Variants in SGCZ observed in about 807,000 individuals in gnomAD.
The protein encoded by SGCZ is sarcoglycan zeta.
Under a neutral mutation model 41.3 loss-of-function variants are expected in SGCZ, and 40 were observed. The observed-to-expected ratio is 0.97, with a 90% CI of 0.75 to 1.26. The LOEUF is 1.26. SGCZ is among the 50% of genes most tolerant of loss of function. SGCZ has a pLI of 0.00. For missense variants in SGCZ, 552 were observed against 369.8 expected (o/e 1.49, Z -4.04); for synonymous variants, 206 against 137.5 (o/e 1.50, Z -3.49).
At chr8:15,211,477 A>C (rs1053468199) in intron 1 of SGCZ, among the ~76,000 whole-genome samples, 11 of 151,992 alleles carry the variant, frequency 7.2e-5, no homozygotes, top group Non-Finnish European at 1.6e-4. Flanking sequence ...TACCCAACCA[A>C]CCATCCCTTC....
At chr8:14,200,532 C>G (rs917562750) in intron 4 of SGCZ, among the ~76,000 whole-genome samples, 10 of 152,000 alleles carry the variant, frequency 6.6e-5, no homozygotes, top group South Asian at 4.1e-4. Context: ...GGTAGAGAGC[C>G]CAGTATGAGA....
chr8:14,973,027 A>G (rs1454128574), intron 1 of SGCZ, among the ~76,000 whole-genome samples: 3 of 152,176 alleles, frequency 2.0e-5, no homozygotes, highest in Non-Finnish European at 4.4e-5. Context: ...CACAAACATT[A>G]TGAGTCCTAA....
intron 4 of SGCZ, among the ~76,000 whole-genome samples, chr8:14,193,962 A>T (rs1054528545): frequency 2.0e-5 from 3 of 151,842 alleles, no homozygotes; most frequent in Non-Finnish European, 4.4e-5. Flanking sequence ...AACTGGAGGG[A>T]TAGCTACATA....
rs185465990 is a variant in SGCZ, at chr8:14,885,805, T to C, written c.40-330879A>G. Among the ~76,000 whole-genome samples the C allele has an allele frequency of 4.4e-3, 673 of 151,686 alleles. 7 individuals carry two copies. The highest frequency in any genetic ancestry group is 0.016 in the African/African-American group (641 of 41,342). On this transcript the variant is annotated intron_variant, in intron 1 of 7. Coordinates refer to ENST00000382080, the MANE Select transcript of SGCZ (RefSeq NM_139167.4). ...CAGAATCTTTGAGGGGTTTTGTTGTTGATGATGTTATATTTTTCTGATTAT... is the reference window on the plus strand; with the variant it reads ...CAGAATCTTTGAGGGGTTTTGTTGTCGATGATGTTATATTTTTCTGATTAT...
chr8:14,749,241 T>C (rs1294557729), intron 1 of SGCZ, among the ~76,000 whole-genome samples: 1 of 152,226 alleles, frequency 6.6e-6, no homozygotes, highest in African/African-American at 2.4e-5. Flanking sequence ...GGACTGGTGA[T>C]GTTTGGACCA....
At chr8:14,398,083 T>C (rs147927458) in intron 2 of SGCZ, among the ~76,000 whole-genome samples, 1 of 152,080 alleles carries the variant, frequency 6.6e-6, no homozygotes, top group Non-Finnish European at 1.5e-5. Flanking sequence ...GGGACCCTTT[T>C]TGTGACCCTC....
chr8:14,691,262 G>T (rs563210106), intron 1 of SGCZ, among the ~76,000 whole-genome samples: 4 of 152,100 alleles, frequency 2.6e-5, no homozygotes, highest in African/African-American at 9.7e-5. Flanking sequence ...TACAGACTAC[G>T]TACTCCTGTT....
chr8:14,427,650 G>A (rs1452731026), intron 2 of SGCZ, among the ~76,000 whole-genome samples: 5 of 152,132 alleles, frequency 3.3e-5, no homozygotes, highest in Non-Finnish European at 4.4e-5. Flanking sequence ...CAGGAGTTAG[G>A]CGGTAATTGC....
intron 1 of SGCZ, among the ~76,000 whole-genome samples, chr8:15,086,127 A>G (rs117847298): frequency 0.039 from 5,909 of 152,302 alleles, 146 homozygotes; most frequent in Non-Finnish European, 0.057. Flanking sequence ...AAAGAATACT[A>G]TTTAACAAGA....
At chr8:14,524,813 T>C (rs1802890830) in intron 2 of SGCZ, among the ~76,000 whole-genome samples, 1 of 151,986 alleles carries the variant, frequency 6.6e-6, no homozygotes, top group South Asian at 2.1e-4. Context: ...CAATAATCAT[T>C]GCATATATCT....
At chr8:15,128,161 A>G (rs371567987) in intron 1 of SGCZ, among the ~76,000 whole-genome samples, 16 of 152,196 alleles carry the variant, frequency 1.1e-4, no homozygotes, top group African/African-American at 3.6e-4. Context: ...CACATTGGCG[A>G]TCCAGAGTCT....
chr8:14,760,774 A>C (rs916176366), intron 1 of SGCZ, among the ~76,000 whole-genome samples: 4 of 152,160 alleles, frequency 2.6e-5, no homozygotes, highest in Non-Finnish European at 5.9e-5. Flanking sequence ...ATTATCTCTA[A>C]TGTTGCAATA....
intron 1 of SGCZ, among the ~76,000 whole-genome samples, chr8:14,786,931 G>A (rs1213422589): frequency 2.0e-5 from 3 of 151,862 alleles, no homozygotes; most frequent in Non-Finnish European, 2.9e-5. Flanking sequence ...TAGAGGAGGG[G>A]AAAGGGTAGA....
Position 14,348,967 on chromosome 8 carries a change from CTG to C in SGCZ, c.235-24765_235-24764del, listed in dbSNP as rs1287449666. 2.6e-5 allele frequency among the ~76,000 whole-genome samples: 4 copies of C among 152,090 alleles called. 1 individual carries two copies. Among genetic ancestry groups the C allele is most frequent in the African/African-American group, 7.2e-5 (3 of 41,428 alleles). Reference sequence around the variant, plus strand: ...AATTTATTTACTGGACTCATTTTTACTGTGTTACGTAAATATATAAAACTTAG... The same window carrying C: ...AATTTATTTACTGGACTCATTTTTACTGTTACGTAAATATATAAAACTTAG... On this transcript the variant is annotated intron_variant, in intron 2 of 7. Coordinates refer to ENST00000382080, the MANE Select transcript of SGCZ (RefSeq NM_139167.4).
chr8:14,989,860 G>C (rs1801948367), intron 1 of SGCZ, among the ~76,000 whole-genome samples: 1 of 152,160 alleles, frequency 6.6e-6, no homozygotes, highest in Non-Finnish European at 1.5e-5. Context: ...AATTCTGGAT[G>C]AACAATGAAG....
At chr8:14,739,290 G>A (rs953864577) in intron 1 of SGCZ, among the ~76,000 whole-genome samples, 5 of 151,906 alleles carry the variant, frequency 3.3e-5, no homozygotes, top group Admixed American at 2.6e-4. Flanking sequence ...AACATATAAA[G>A]ACAAGTTTCT....
At chr8:14,941,074 G>A (rs1403355640) in intron 1 of SGCZ, among the ~76,000 whole-genome samples, 2 of 152,050 alleles carry the variant, frequency 1.3e-5, no homozygotes, top group Non-Finnish European at 2.9e-5. Flanking sequence ...TTTTTACCTA[G>A]CATTAGGCAA....
intron 1 of SGCZ, among the ~76,000 whole-genome samples, chr8:14,826,743 T>A (rs534376794): frequency 1.1e-4 from 17 of 152,364 alleles, no homozygotes; most frequent in African/African-American, 3.1e-4. Context: ...TTTTGAGAAG[T>A]GTCTGTTTAT....
At chr8:14,958,691 TG>T (rs1391226167) in intron 1 of SGCZ, among the ~76,000 whole-genome samples, 1 of 152,070 alleles carries the variant, frequency 6.6e-6, no homozygotes, top group African/African-American at 2.4e-5. Flanking sequence ...ACTTTAGATT[TG>T]TGCATTTTAT....
Sources: gnomAD v4.1 joint callset for allele counts (sites outside exome capture counted in the v4.1 genomes callset) on GRCh38, gnomAD v4.1.1 for gene constraint, MANE v1.5 for transcripts, NCBI Gene and HGNC (gene_info 2026-07-23, HGNC 2026-07-21) for gene names.